The following STPG2 variants were observed in gnomAD, a reference collection of about 807,000 sequenced individuals.
STPG2 encodes sperm-tail PG-rich repeat-containing protein 2.
STPG2 carries 56 observed loss-of-function variants against 54.2 expected under a neutral mutation model. That is an observed-to-expected ratio of 1.03 (90% CI 0.83 to 1.29). The LOEUF (loss-of-function observed/expected upper bound fraction) is 1.29. Ranked by LOEUF, STPG2 falls within the 50% of genes most tolerant of loss-of-function variation. STPG2 has a pLI of 0.00. For synonymous variants in STPG2, 200 were observed against 181.8 expected, an observed-to-expected ratio of 1.10 and a Z score of -0.81; for missense variants, 596 against 544.9, an observed-to-expected ratio of 1.09 and a Z score of -0.93.
chr4:98,132,617 A>G (rs187989580), intron 2 of STPG2, among the ~76,000 whole-genome samples: 252 of 151,956 alleles, frequency 1.7e-3, no homozygotes, highest in African/African-American at 5.5e-3. Context: ...AAATGGAGGG[A>G]AAAAAACCTT....
At chr4:97,752,862 C>CTT (rs976316441) in intron 9 of STPG2, among the ~76,000 whole-genome samples, 2 of 151,846 alleles carry the variant, frequency 1.3e-5, no homozygotes, top group African/African-American at 4.8e-5. Context: ...ATAACTCACT[C>CTT]TAAACTCTTA....
intron 1 of STPG2, 23 bp from the exon 2 acceptor site, chr4:98,134,482 C>A (rs757074114): frequency 6.9e-7 from 1 of 1,444,928 alleles, no homozygotes; most frequent in South Asian, 1.3e-5. Context: ...AATCATATGA[C>A]CAGCAGATAA....
intron 4 of STPG2, among the ~76,000 whole-genome samples, chr4:97,465,626 A>G (rs1017827723): frequency 6.6e-6 from 1 of 152,046 alleles, no homozygotes; most frequent in Non-Finnish European, 1.5e-5. Context: ...AAATCCTTAG[A>G]TGTTCAGGTT....
intron 10 of STPG2, among the ~76,000 whole-genome samples, chr4:97,599,833 A>AAAAAAAAG (rs542582284): frequency 3.4e-5 from 5 of 147,166 alleles, no homozygotes; most frequent in Admixed American, 2.0e-4. Flanking sequence ...CAAAAAAAAA[A>AAAAAAAAG]AAAAGAAAAG....
intron 8 of STPG2, among the ~76,000 whole-genome samples, chr4:97,894,881 A>G (rs1359556845): frequency 1.3e-5 from 2 of 152,046 alleles, no homozygotes; most frequent in Non-Finnish European, 2.9e-5. Flanking sequence ...TGTTTTAAAA[A>G]TTATTCAAGT....
chr4:98,056,187 A>T (rs866705187), intron 5 of STPG2, among the ~76,000 whole-genome samples: 59 of 152,208 alleles, frequency 3.9e-4, no homozygotes, highest in African/African-American at 1.2e-3. Context: ...CACCAGCACC[A>T]CACCCTAGTG....
At chr4:97,773,854 T>TA in intron 9 of STPG2, among the ~76,000 whole-genome samples, 1 of 152,012 alleles carries the variant, frequency 6.6e-6, no homozygotes, top group Non-Finnish European at 1.5e-5. Flanking sequence ...AATAAACTAT[T>TA]AAAAATATCA....
intron 3 of STPG2, among the ~76,000 whole-genome samples, chr4:98,112,729 T>C (rs1459507025): frequency 6.6e-6 from 1 of 152,094 alleles, no homozygotes; most frequent in Admixed American, 6.6e-5. Flanking sequence ...ATATTGGAGC[T>C]GAGAAGAGAG....
intron 4 of STPG2, among the ~76,000 whole-genome samples, chr4:97,455,821 A>G (rs1436477536): frequency 6.6e-6 from 1 of 152,182 alleles, no homozygotes; most frequent in African/African-American, 2.4e-5. Flanking sequence ...CTGAGGCTTC[A>G]GGAGCTTTAA....
intron 4 of STPG2, among the ~76,000 whole-genome samples, chr4:97,444,530 C>G (rs184452026): frequency 1.1e-4 from 17 of 152,136 alleles, no homozygotes; most frequent in African/African-American, 4.1e-4. Flanking sequence ...CTTTATTCAG[C>G]AAAAATATCC....
chr4:97,496,061 C>T (rs1392116033), intron 4 of STPG2, among the ~76,000 whole-genome samples: 1 of 151,414 alleles, frequency 6.6e-6, no homozygotes, highest in Non-Finnish European at 1.5e-5. Flanking sequence ...CAATGACAAC[C>T]AATATGTCCT....
intron 8 of STPG2, among the ~76,000 whole-genome samples, chr4:97,884,716 A>G (rs1272300766): frequency 6.6e-6 from 1 of 152,130 alleles, no homozygotes; most frequent in East Asian, 1.9e-4. Context: ...AAGAAAAAGT[A>G]AGGGCCAAAA....
At chr4:97,828,593 T>G (rs550232507) in intron 9 of STPG2, among the ~76,000 whole-genome samples, 1 of 152,230 alleles carries the variant, frequency 6.6e-6, no homozygotes, top group East Asian at 1.9e-4. Context: ...CCAAGTGGTC[T>G]GCCTCAGTGG....
chr4:98,027,903 C>T (rs1436712780), intron 5 of STPG2, among the ~76,000 whole-genome samples: 2 of 152,178 alleles, frequency 1.3e-5, no homozygotes, highest in Non-Finnish European at 2.9e-5. Context: ...CTGTCCCTTT[C>T]AGTCCAAGCT....
chr4:98,054,409 A>AAAT (rs1413954439), intron 5 of STPG2, among the ~76,000 whole-genome samples: 6 of 152,174 alleles, frequency 3.9e-5, no homozygotes, highest in Non-Finnish European at 8.8e-5. Flanking sequence ...ATGTGAGGAA[A>AAAT]AATAACCTTT....
chr4:97,508,680 A>G (rs1730905197), intron 4 of STPG2, among the ~76,000 whole-genome samples: 1 of 152,112 alleles, frequency 6.6e-6, no homozygotes, highest in East Asian at 1.9e-4. Context: ...TAGAATTATA[A>G]CGACATAATG....
At chr4:97,860,261 A>C (rs1414911676) in intron 8 of STPG2, among the ~76,000 whole-genome samples, 3 of 152,024 alleles carry the variant, frequency 2.0e-5, no homozygotes, top group African/African-American at 7.2e-5. Flanking sequence ...TAGTTCTATG[A>C]AGAATCATGA....
chr4:97,961,965 CATCA>C (rs957277666), intron 7 of STPG2, among the ~76,000 whole-genome samples: 2 of 152,118 alleles, frequency 1.3e-5, no homozygotes, highest in African/African-American at 4.8e-5. Context: ...CCCAAATGCC[CATCA>C]ATCAATGAGT....
chr4:98,055,052 G>A (rs879311492), intron 5 of STPG2, among the ~76,000 whole-genome samples: 4 of 152,128 alleles, frequency 2.6e-5, no homozygotes, highest in Non-Finnish European at 4.4e-5. Context: ...CTGAGGTAGG[G>A]AAAGCTGAGA....
Sources: gnomAD v4.1 joint callset for allele counts (sites outside exome capture counted in the v4.1 genomes callset) on GRCh38, gnomAD v4.1.1 for gene constraint, MANE v1.5 for transcripts, NCBI Gene and HGNC (gene_info 2026-07-23, HGNC 2026-07-21) for gene names.